Variants in LMX1B observed in about 807,000 individuals in gnomAD.
LMX1B encodes the protein LIM homeobox transcription factor 1 beta, also known as LIM homeobox transcription factor 1-beta.
A neutral mutation model predicts 51.4 loss-of-function variants in LMX1B; 12 were observed. The observed-to-expected ratio is 0.23, with a 90% CI of 0.15 to 0.38. The LOEUF (loss-of-function observed/expected upper bound fraction) is 0.38, where lower values mean the gene tolerates loss of function less well. LMX1B is among the 10% of genes least tolerant of loss of function. The probability of loss-of-function intolerance (pLI) is 1.00; values close to 1 mark genes in which losing one functional copy is unlikely to be tolerated. For synonymous variants in LMX1B, 237 were observed against 235.4 expected (o/e 1.01, Z -0.06); for missense variants, 445 against 571.1 (o/e 0.78, Z 2.25).
chr9:126,643,642 T>C (rs142757391), intron 2 of LMX1B, among the ~76,000 whole-genome samples: 1 of 152,264 alleles, frequency 6.6e-6, no homozygotes, highest in African/African-American at 2.4e-5. Context: ...TCATTAGTAA[T>C]TATGCTGGGA....
At chr9:126,681,832 C>A (rs1257850878) in intron 2 of LMX1B, among the ~76,000 whole-genome samples, 1 of 151,658 alleles carries the variant, frequency 6.6e-6, no homozygotes, top group African/African-American at 2.4e-5. Context: ...ACCCGGGAGG[C>A]AGAGGTTGCA....
intron 2 of LMX1B, among the ~76,000 whole-genome samples, chr9:126,675,831 C>T (rs372221951): frequency 0.013 from 2,019 of 151,340 alleles, 36 homozygotes; most frequent in African/African-American, 0.046. Context: ...GGGCGGATCA[C>T]GAGGTCAGGA....
intron 2 of LMX1B, among the ~76,000 whole-genome samples, chr9:126,686,498 A>G (rs571649648): frequency 9.8e-5 from 15 of 152,320 alleles, no homozygotes; most frequent in Non-Finnish European, 1.9e-4. Flanking sequence ...TTCTTACTCC[A>G]TAATATCAGA....
rs1266046184 is a variant in LMX1B, at chr9:126,658,983, A to T, written c.327-31853A>T. On this transcript the variant is annotated intron_variant, in intron 2 of 7. Transcript: ENST00000373474. This position sits in a 1 kb window ranked among gnomAD's most constrained non-coding sequence, Gnocchi z 4.0. ...AAGGCTGGGATACAGGGTGGGAGGG[A>T]CCCTTCAGGGGGCTGAGAGGCGGGT... 6.6e-6 allele frequency among the ~76,000 whole-genome samples: 1 copy of T among 152,038 alleles called. No individual in the cohort carries two copies. Among genetic ancestry groups the T allele is most frequent in the Non-Finnish European group, 1.5e-5 (1 of 67,988 alleles).
At chr9:126,679,558 G>A (rs1334480087) in intron 2 of LMX1B, among the ~76,000 whole-genome samples, 1 of 152,034 alleles carries the variant, frequency 6.6e-6, no homozygotes, top group African/African-American at 2.4e-5. Context: ...ATGAGTGGAT[G>A]TATGGGTGGA....
Position 126,615,672 on chromosome 9 carries a change from G to A in LMX1B, c.326+103G>A, listed in dbSNP as rs1415861957. On this transcript the variant is annotated intron_variant, in intron 2 of 7. Transcript: ENST00000373474. This position sits in a 1 kb window ranked among gnomAD's most constrained non-coding sequence, Gnocchi z 6.0. Reference sequence around the variant, plus strand: ...GCCCGCTCTGCCGCCGGCTCTGTGCGCGGCTGGGCCGGGCAGCTCCAAGGG... The same window carrying A: ...GCCCGCTCTGCCGCCGGCTCTGTGCACGGCTGGGCCGGGCAGCTCCAAGGG... The A allele has an allele frequency of 4.5e-6, 5 of 1,103,076 alleles. No homozygotes were observed. Among genetic ancestry groups the A allele is most frequent in the African/African-American group, 1.7e-5 (1 of 60,090 alleles). 68.3% of individuals were successfully genotyped at this position (1,103,076 alleles called of 1,614,324 possible). A position where few individuals can be genotyped will look rare whatever the true frequency, so the allele number is the denominator to read the frequency against.
rs138721796 is a variant in LMX1B, at chr9:126,655,643, G to A, written c.327-35193G>A. Among the ~76,000 whole-genome samples the A allele has an allele frequency of 1.8e-3, 271 of 152,334 alleles. 2 individuals carry two copies. Among genetic ancestry groups the A allele is most frequent in the African/African-American group, 6.3e-3 (263 of 41,564 alleles). ...TAAAAAAAGTGCTTGTTGAATGAAT[G>A]AATCAACCTTGGGTGAATCACTTTG... On this transcript the variant is annotated intron_variant, in intron 2 of 7. Coordinates refer to ENST00000373474, the MANE Select transcript of LMX1B (RefSeq NM_001174147.2).
chr9:126,671,089 G>A lies in LMX1B; in HGVS notation c.327-19747G>A, dbSNP rs1836440457. 6.6e-6 allele frequency among the ~76,000 whole-genome samples: 1 copy of A among 152,074 alleles called. No homozygotes were observed. Among genetic ancestry groups the A allele is most frequent in the African/African-American group, 2.4e-5 (1 of 41,404 alleles). ...AGGGGGCAAGAGAACTATCAGCTGGGACACCTCCCATACTCTCCAGAGTTT... is the reference window on the plus strand; with the variant it reads ...AGGGGGCAAGAGAACTATCAGCTGGAACACCTCCCATACTCTCCAGAGTTT... On this transcript the variant is annotated intron_variant, in intron 2 of 7. Transcript: ENST00000373474. The surrounding 1 kb of genome is among the most constrained non-coding windows in gnomAD (Gnocchi z 4.4).
At chr9:126,637,734 C>T (rs1033101177) in intron 2 of LMX1B, among the ~76,000 whole-genome samples, 1 of 151,682 alleles carries the variant, frequency 6.6e-6, no homozygotes, top group Admixed American at 6.6e-5. Context: ...GCCCAGGTTT[C>T]GGCGGGAATT....
chr9:126,660,059 C>T (rs113551799), intron 2 of LMX1B, among the ~76,000 whole-genome samples: 3,671 of 57,708 alleles, frequency 0.064, 13 homozygotes, highest in Middle Eastern at 0.16. Flanking sequence ...GGTTGTCCTG[C>T]GTGGGGGTGT....
intron 2 of LMX1B, among the ~76,000 whole-genome samples, chr9:126,619,508 T>C (rs1419340984): frequency 2.0e-5 from 3 of 152,206 alleles, no homozygotes; most frequent in Non-Finnish European, 4.4e-5. Context: ...GCGCCTGTCC[T>C]GGAAACTGCT....
chr9:126,669,817 G>T (rs879643253), intron 2 of LMX1B, among the ~76,000 whole-genome samples: 18 of 152,154 alleles, frequency 1.2e-4, no homozygotes, highest in Non-Finnish European at 2.1e-4. Flanking sequence ...AGAGCCCAAA[G>T]TTCCTCAGGA....
At position 126,625,151 on chromosome 9, in the gene LMX1B, C is replaced by A. The variant is rs1451496082; in HGVS notation, c.326+9582C>A. On this transcript the variant is annotated intron_variant, in intron 2 of 7. Coordinates refer to ENST00000373474, the MANE Select transcript of LMX1B (RefSeq NM_001174147.2). The surrounding 1 kb of genome is among the most constrained non-coding windows in gnomAD (Gnocchi z 5.3). ...GAAAAGAAGCCGAGCACCTTACAACCGTGTCCCCTCCACCCCTTCCGAGGA... is the reference window on the plus strand; with the variant it reads ...GAAAAGAAGCCGAGCACCTTACAACAGTGTCCCCTCCACCCCTTCCGAGGA... Among the ~76,000 whole-genome samples, 1 of 152,238 alleles carries A rather than the reference C, an allele frequency of 6.6e-6. No homozygotes were observed. Among genetic ancestry groups the A allele is most frequent in the African/African-American group, 2.4e-5 (1 of 41,470 alleles).
chr9:126,630,497 C>G (rs1020349214), intron 2 of LMX1B, among the ~76,000 whole-genome samples: 1 of 152,148 alleles, frequency 6.6e-6, no homozygotes, highest in Non-Finnish European at 1.5e-5. Context: ...GTCATCCCTT[C>G]CAAACCCCAT....
chr9:126,696,618 C>T lies in LMX1B; in HGVS notation c.*167C>T, dbSNP rs868226573. The T allele has an allele frequency of 8.5e-6, 6 of 703,436 alleles. No homozygotes were observed. The highest frequency in any genetic ancestry group is 7.0e-5 in the South Asian group (4 of 57,114). The allele number at this position is 703,436 out of a possible 1,614,324, so 43.6% of individuals were successfully genotyped here. On this transcript the variant is annotated 3_prime_UTR_variant, in exon 8 of 8. Coordinates refer to ENST00000373474, the MANE Select transcript of LMX1B (RefSeq NM_001174147.2). Reference sequence around the variant, plus strand: ...GACCACTGTGCCCGTTGGGTACAGCCAGACCGGTAGATGGGCACAGCCTGG... The same window carrying T: ...GACCACTGTGCCCGTTGGGTACAGCTAGACCGGTAGATGGGCACAGCCTGG...
intron 2 of LMX1B, among the ~76,000 whole-genome samples, chr9:126,620,267 G>T (rs995683373): frequency 1.3e-5 from 2 of 152,142 alleles, no homozygotes; most frequent in African/African-American, 4.8e-5. Context: ...CCTCAGCCAT[G>T]AAAAGAGCTT....
intron 2 of LMX1B, among the ~76,000 whole-genome samples, chr9:126,683,841 G>A (rs1010568332): frequency 7.9e-5 from 12 of 152,212 alleles, no homozygotes; most frequent in African/African-American, 2.9e-4. Flanking sequence ...GGAAGTGGCA[G>A]AGCCGGGATT....
At chr9:126,623,529 T>TTAAC (rs1452653732) in intron 2 of LMX1B, among the ~76,000 whole-genome samples, 1 of 152,112 alleles carries the variant, frequency 6.6e-6, no homozygotes, top group African/African-American at 2.4e-5. Flanking sequence ...AGGCCCAGAG[T>TTAAC]TAACTCTGTA....
In LMX1B at chr9:126,658,218, AG is replaced by A. The variant is rs974703046; in HGVS notation, c.327-32612del. Among the ~76,000 whole-genome samples the A allele has an allele frequency of 6.6e-6, 1 of 151,364 alleles. No homozygotes were observed. Among genetic ancestry groups the A allele is most frequent in the African/African-American group, 2.4e-5 (1 of 41,130 alleles). ...GGTTGTAGGAGTGGGACAGGGCAGG[AG>A]GGGGGTGAGTCTACAAAGGGTACCA... On this transcript the variant is annotated intron_variant, in intron 2 of 7. Coordinates refer to ENST00000373474, the MANE Select transcript of LMX1B (RefSeq NM_001174147.2). This position sits in a 1 kb window ranked among gnomAD's most constrained non-coding sequence, Gnocchi z 4.0.
Sources: allele counts gnomAD v4.1 joint callset (sites outside exome capture counted in the v4.1 genomes callset), GRCh38; gene constraint gnomAD v4.1.1; non-coding constraint Gnocchi (gnomAD v3.1); transcripts MANE v1.5; gene names NCBI Gene and HGNC (gene_info 2026-07-23, HGNC 2026-07-21).